The following TTLL4 variants were observed in gnomAD, a reference collection of about 807,000 sequenced individuals.
TTLL4 encodes tubulin tyrosine ligase like 4, also known as tubulin monoglutamylase TTLL4.
A neutral mutation model predicts 122.7 loss-of-function variants in TTLL4; 85 were observed. The observed-to-expected ratio is 0.69, with a 90% CI of 0.58 to 0.83. TTLL4 has a LOEUF of 0.83. Among genes scored for constraint, TTLL4 ranks in the 40% least tolerant of loss-of-function variants. The pLI, the probability that TTLL4 is intolerant of heterozygous loss-of-function variation, is 0.00. For missense variants in TTLL4, 1,363 were observed against 1,488.6 expected (o/e 0.92, Z 1.39); for synonymous variants, 553 against 563.0 (o/e 0.98, Z 0.25).
At position 218,747,982 on chromosome 2, in the gene TTLL4, T is replaced by A. The variant is rs1942894497; in HGVS notation, c.2379-123T>A. 7.3e-7 allele frequency: 1 copy of A among 1,365,076 alleles called. No homozygotes were observed. Among genetic ancestry groups the A allele is most frequent in the South Asian group, 1.3e-5 (1 of 76,148 alleles). The allele number at this position is 1,365,076 out of a possible 1,614,324, so 84.6% of individuals were successfully genotyped here. A position where few individuals can be genotyped will look rare whatever the true frequency, so the allele number is the denominator to read the frequency against. On this transcript the variant is annotated intron_variant, in intron 11 of 19. Transcript: ENST00000392102. This position sits in a 1 kb window ranked among gnomAD's most constrained non-coding sequence, Gnocchi z 4.7. ...GCCAGTAGACACACTTCTCAGGCTCTTGTGGCTATGAAAAGATCTGTGTAC... is the reference window on the plus strand; with the variant it reads ...GCCAGTAGACACACTTCTCAGGCTCATGTGGCTATGAAAAGATCTGTGTAC...
At position 218,747,240 on chromosome 2, in the gene TTLL4, A is replaced by G. The variant is rs1427705879; in HGVS notation, c.2166+46A>G. ...AGGAGACTATGGTCTGTGAGTGGGA[A>G]CAACAGAGTATTGGACCTGGAGCAA... On this transcript the variant is annotated intron_variant, in intron 9 of 19. Coordinates refer to ENST00000392102, the MANE Select transcript of TTLL4 (RefSeq NM_014640.5). This position sits in a 1 kb window ranked among gnomAD's most constrained non-coding sequence, Gnocchi z 4.7. The G allele has an allele frequency of 4.3e-6, 7 of 1,614,116 alleles. No individual in the cohort carries two copies. The highest frequency in any genetic ancestry group is 3.3e-5 in the South Asian group (3 of 91,084).
rs1191099805 is a variant in TTLL4 at position 218,740,232 on chromosome 2, C to G, written c.1597+65C>G. 2.1e-6 allele frequency: 3 copies of G among 1,461,742 alleles called. No homozygotes were observed. The African/African-American group carries it at 4.2e-5, about 20-fold the overall frequency. The allele number at this position is 1,461,742 out of a possible 1,614,324, so 90.5% of individuals were successfully genotyped here. A position where few individuals can be genotyped will look rare whatever the true frequency, so the allele number is the denominator to read the frequency against. On this transcript the variant is annotated intron_variant, in intron 4 of 19. Transcript: ENST00000392102. ...TATGACCTGTTGGGCAGGGGGCTGA[C>G]AATTGTGTACTAGGTCCTTGACTCA...
chr2:218,717,624 C>T lies in TTLL4; in HGVS notation c.-178+6587C>T, dbSNP rs1220712564. 2.0e-5 allele frequency among the ~76,000 whole-genome samples: 3 copies of T among 152,160 alleles called. No individual in the cohort carries two copies. The East Asian group carries it at 5.8e-4, about 29-fold the overall frequency. ...CTAATCTTGACTTATACGGACCCAC[C>T]CTTCTCACTAGGCTGTATTCTTGAC... On this transcript the variant is annotated intron_variant, in intron 1 of 19. Coordinates refer to ENST00000392102, the MANE Select transcript of TTLL4 (RefSeq NM_014640.5).
chr2:218,747,965 A>G lies in TTLL4; in HGVS notation c.2379-140A>G. On this transcript the variant is annotated intron_variant, in intron 11 of 19. Transcript: ENST00000392102. The surrounding 1 kb of genome is among the most constrained non-coding windows in gnomAD (Gnocchi z 4.7). ...TGGTTTTTCAGAACTTTGCCAGTAG[A>G]CACACTTCTCAGGCTCTTGTGGCTA... 7.9e-7 allele frequency: 1 copy of G among 1,268,652 alleles called. No individual in the cohort carries two copies. Among genetic ancestry groups the G allele is most frequent in the African/African-American group, 1.5e-5 (1 of 67,422 alleles). 78.6% of individuals were successfully genotyped at this position (1,268,652 alleles called of 1,614,324 possible). A position where few individuals can be genotyped will look rare whatever the true frequency, so the allele number is the denominator to read the frequency against.
At position 218,748,840 on chromosome 2, in the gene TTLL4, C is replaced by G; in HGVS notation, c.2506C>G (p.Leu836Val). The change falls in exon 13 of 20, where the codon CTG (leucine) becomes GTG (valine). Residue 836 changes from leucine to valine, a missense_variant. Leu to Val is a conservative substitution (Grantham distance 32). Around this residue, in one of 3 missense-constraint regions of TTLL4, gnomAD observed 596 missense variants for 655.8 expected, o/e 0.91. Transcript: ENST00000392102. The stretch of plus-strand genomic sequence containing the variant: ...CTTCCTCTTCCTCCTCTGCAGGGCA[C>G]TGAAGGCTTTGTGGAACTACCTGAG... ...EMACQGHKWA[L>V]KALWNYLSQK... 1.2e-6 allele frequency: 2 copies of G among 1,614,076 alleles called. No homozygotes were observed. The highest frequency in any genetic ancestry group is 1.1e-5 in the South Asian group (1 of 91,076).
At chr2:218,714,579 C>G (rs1487583284) in intron 1 of TTLL4, among the ~76,000 whole-genome samples, 4 of 152,036 alleles carry the variant, frequency 2.6e-5, no homozygotes. Flanking sequence ...TCTCTTAGGC[C>G]TTACAATACA....
intron 1 of TTLL4, among the ~76,000 whole-genome samples, chr2:218,725,396 GT>G (rs528036474): frequency 4.9e-5 from 7 of 141,898 alleles, no homozygotes; most frequent in Admixed American, 1.4e-4. Context: ...ATTTTTTATG[GT>G]TTTTTTTTTG....
chr2:218,753,346 TC>T, intron 18 of TTLL4, 161 bp downstream of exon 18: 1 of 907,212 alleles, frequency 1.1e-6, no homozygotes, highest in Non-Finnish European at 1.7e-6. Context: ...AATAGTTGCC[TC>T]CAGGATTCCC....
intron 5 of TTLL4, among the ~76,000 whole-genome samples, chr2:218,743,016 C>T (rs1267321999): frequency 2.0e-5 from 3 of 151,932 alleles, no homozygotes; most frequent in East Asian, 1.9e-4. Flanking sequence ...TGATGGTGGG[C>T]GCCTATAATC....
At chr2:218,717,699 T>G (rs138645243) in intron 1 of TTLL4, among the ~76,000 whole-genome samples, 1 of 152,320 alleles carries the variant, frequency 6.6e-6, no homozygotes, top group East Asian at 1.9e-4. Context: ...CCTCCACCTT[T>G]CCTTAGGGAG....
chr2:218,753,663 A>T lies in TTLL4; in HGVS notation c.3338A>T (p.Lys1113Met), dbSNP rs777431975. ...GCCTTCAGCAAATCAGAGACTAGCAAGCTGGGGTGAGTGCTGCCTGGGCAA... is the reference window on the plus strand; with the variant it reads ...GCCTTCAGCAAATCAGAGACTAGCATGCTGGGGTGAGTGCTGCCTGGGCAA... ...LNAFSKSETS[K>M]LGKQSSCEVS... Residue 1113 changes from lysine (K) to methionine (M), a missense_variant, in exon 19 of 20, where the codon AAG becomes ATG. By Grantham distance (95) the Lys-to-Met change is moderately conservative. Coordinates refer to ENST00000392102, the MANE Select transcript of TTLL4 (RefSeq NM_014640.5). 6.2e-7 allele frequency: 1 copy of T among 1,614,046 alleles called. No individual in the cohort carries two copies. The highest frequency in any genetic ancestry group is 8.5e-7 in the Non-Finnish European group (1 of 1,180,022).
chr2:218,749,070 A>G (rs1942942920), intron 13 of TTLL4, 136 bp downstream of exon 13: 1 of 1,244,564 alleles, frequency 8.0e-7, no homozygotes, highest in Non-Finnish European at 1.1e-6. Context: ...AGGAGTGGCC[A>G]GAGTTAAGTT....
rs1033663139 is a variant in TTLL4, at chr2:218,747,603, A to G, written c.2256A>G (p.Leu752=). Residue 752 remains leucine (L), a synonymous_variant, in exon 11 of 20, where the codon CTA becomes CTG. Transcript: ENST00000392102. The surrounding 1 kb of genome is among the most constrained non-coding windows in gnomAD (Gnocchi z 4.7). ...KRRPLLVQRY[L]HKPYLISGSK... ...TGGCCTTTGTCCTATGTAGGTATCT[A>G]CACAAACCCTACCTCATCAGCGGCA... 1.2e-5 allele frequency: 19 copies of G among 1,614,050 alleles called. No homozygotes were observed. Among genetic ancestry groups the G allele is most frequent in the Non-Finnish European group, 1.6e-5 (19 of 1,180,032 alleles).
At chr2:218,750,917 A>AG (rs1184026406) in intron 15 of TTLL4, among the ~76,000 whole-genome samples, 1 of 151,788 alleles carries the variant, frequency 6.6e-6, no homozygotes, top group African/African-American at 2.4e-5. Context: ...CACTCTAGAG[A>AG]GGAGGGAGTT....
intron 16 of TTLL4, 88 bp from the exon 17 acceptor site, chr2:218,752,675 G>T (rs769583186): frequency 1.4e-6 from 2 of 1,419,676 alleles, no homozygotes; most frequent in Non-Finnish European, 2.0e-6. Flanking sequence ...GACCCCAGGG[G>T]TGTGCTCCCT....
chr2:218,750,652 T>C (rs1328656507), intron 15 of TTLL4, among the ~76,000 whole-genome samples: 2 of 152,176 alleles, frequency 1.3e-5, no homozygotes, highest in Non-Finnish European at 2.9e-5. Flanking sequence ...ACTGGATCGC[T>C]CACACAACCT....
chr2:218,726,632 A>G (rs1942206276), intron 1 of TTLL4, among the ~76,000 whole-genome samples: 1 of 150,708 alleles, frequency 6.6e-6, no homozygotes, highest in Non-Finnish European at 1.5e-5. Flanking sequence ...CATCCAGCTA[A>G]TTTTTTCTGG....
chr2:218,749,069 C>T, intron 13 of TTLL4, 135 bp downstream of exon 13: 1 of 1,246,088 alleles, frequency 8.0e-7, no homozygotes, highest in Non-Finnish European at 1.1e-6. Context: ...AAGGAGTGGC[C>T]AGAGTTAAGT....
rs780533261 is a variant in TTLL4 at position 218,738,826 on chromosome 2, G to A, written c.1150G>A (p.Val384Ile). ...NRSRRWKPPA[V>I]NQQFPQEDAG... is the part of the protein sequence containing the mutation. The stretch of plus-strand genomic sequence containing the variant: ...GAGCAGGCGGTGGAAACCTCCTGCG[G>A]TAAATCAGCAGTTTCCTCAGGAGGA... Residue 384 changes from valine to isoleucine, a missense_variant, in exon 3 of 20, where the codon GTA (valine) becomes ATA (isoleucine). This residue lies in a region of TTLL4 where 760 missense variants were observed against 808.4 expected (regional missense o/e 0.94). Transcript: ENST00000392102. The A allele has an allele frequency of 3.1e-6, 5 of 1,614,200 alleles. No individual in the cohort carries two copies. Among genetic ancestry groups the A allele is most frequent in the Non-Finnish European group, 4.2e-6 (5 of 1,180,040 alleles).
Sources: gnomAD v4.1 joint callset for allele counts (sites outside exome capture counted in the v4.1 genomes callset) on GRCh38, gnomAD v4.1.1 for gene constraint, gnomAD v4.1.1 regional missense constraint, Gnocchi (gnomAD v3.1) non-coding constraint, MANE v1.5 for transcripts, NCBI Gene and HGNC (gene_info 2026-07-23, HGNC 2026-07-21) for gene names.